The following GTPBP4 variants were observed in gnomAD, a reference collection of about 807,000 sequenced individuals.
GTPBP4 encodes GTP binding protein 4.
A neutral mutation model predicts 81.7 loss-of-function variants in GTPBP4; 15 were observed. The ratio of observed to expected loss-of-function variants is 0.18; its 90% confidence interval spans 0.12 to 0.28. GTPBP4 has a LOEUF of 0.28. GTPBP4 is among the 10% of genes least tolerant of loss of function. The pLI, the probability that GTPBP4 is intolerant of heterozygous loss-of-function variation, is 1.00. For missense variants in GTPBP4, 847 were observed against 793.8 expected, an observed-to-expected ratio of 1.07 and a Z score of -0.81; for synonymous variants, 272 against 274.6, an observed-to-expected ratio of 0.99 and a Z score of 0.09.
chr10:995,872 G>A (rs1317597818), intron 2 of GTPBP4, 57 bp from the exon 3 acceptor site: 1 of 949,108 alleles, frequency 1.1e-6, no homozygotes, highest in East Asian at 2.4e-5. Context: ...TCTTCAAGTG[G>A]TAGGGATGAA....
At position 1,019,603 on chromosome 10, in the gene GTPBP4, TG is replaced by T. The variant is rs1346776064; in HGVS notation, c.*2378del. On this transcript the variant is annotated 3_prime_UTR_variant, in exon 17 of 17. Transcript: ENST00000360803. Reference sequence around the variant, plus strand: ...CACCGGTACAGAAACCTCTCGGCAATGGTTCTTAGCCAGGGGGTGACTTTGA... The same window carrying T: ...CACCGGTACAGAAACCTCTCGGCAATGTTCTTAGCCAGGGGGTGACTTTGA... 6.2e-7 allele frequency: 1 copy of T among 1,614,034 alleles called. No individual in the cohort carries two copies. Among genetic ancestry groups the T allele is most frequent in the Non-Finnish European group, 8.5e-7 (1 of 1,180,004 alleles).
chr10:1,019,578 C>A lies in GTPBP4; in HGVS notation c.*2351C>A. 6.2e-7 allele frequency: 1 copy of A among 1,614,052 alleles called. No homozygotes were observed. The highest frequency in any genetic ancestry group is 1.1e-5 in the South Asian group (1 of 91,068). ...GGTCACGTCATCCAGGTGAGGCCACCACCGGTACAGAAACCTCTCGGCAAT... is the reference window on the plus strand; with the variant it reads ...GGTCACGTCATCCAGGTGAGGCCACAACCGGTACAGAAACCTCTCGGCAAT... On this transcript the variant is annotated 3_prime_UTR_variant, in exon 17 of 17. Coordinates refer to ENST00000360803, the MANE Select transcript of GTPBP4 (RefSeq NM_012341.3).
chr10:1,010,370 G>T, intron 12 of GTPBP4, 50 bp from the exon 13 acceptor site: 1 of 904,998 alleles, frequency 1.1e-6, no homozygotes, highest in Admixed American at 1.8e-5. Flanking sequence ...CGTAGTACTT[G>T]AAGATATTAA....
chr10:992,724 C>A, intron 2 of GTPBP4, 65 bp downstream of exon 2: 1 of 938,210 alleles, frequency 1.1e-6, no homozygotes, highest in Non-Finnish European at 1.7e-6. Context: ...AGTGTTTAAC[C>A]AGTTTGGTGT....
intron 6 of GTPBP4, 137 bp from the exon 7 acceptor site, chr10:1,000,540 C>CTT (rs74260825): frequency 2.6e-4 from 103 of 402,750 alleles, no homozygotes; most frequent in South Asian, 6.0e-4. Context: ...CCCAGCCCTA[C>CTT]TTTTTTTTTT....
chr10:997,503 C>T (rs1831555560), intron 5 of GTPBP4, among the ~76,000 whole-genome samples, 195 bp downstream of exon 5: 1 of 152,254 alleles, frequency 6.6e-6, no homozygotes, highest in Non-Finnish European at 1.5e-5. Context: ...CCCTGGTCTG[C>T]AGGAGTTCCC....
At chr10:993,778 T>C (rs1831490836) in intron 2 of GTPBP4, among the ~76,000 whole-genome samples, 2 of 152,076 alleles carry the variant, frequency 1.3e-5, no homozygotes, top group African/African-American at 2.4e-5. Flanking sequence ...TACTTCATAT[T>C]TAAACAAGTT....
At chr10:1,004,565 A>G (rs1370924730) in intron 8 of GTPBP4, among the ~76,000 whole-genome samples, 4 of 152,140 alleles carry the variant, frequency 2.6e-5, no homozygotes, top group Non-Finnish European at 4.4e-5. Flanking sequence ...CCTCTTCAGC[A>G]TAGACGCTGG....
chr10:1,014,166 A>G, intron 14 of GTPBP4, 81 bp from the exon 15 acceptor site: 2 of 812,866 alleles, frequency 2.5e-6, no homozygotes, highest in Non-Finnish European at 4.2e-6. Context: ...CAAAATATGT[A>G]TACATATATA....
At position 1,009,663 on chromosome 10, in the gene GTPBP4, G is replaced by A. The variant is rs1225072493; in HGVS notation, c.1243+83G>A. ...GAAAATGGGGGAAAGACTTTAATAAGTAATAAAAGTGTTTCAGCCTATTTG... is the reference window on the plus strand; with the variant it reads ...GAAAATGGGGGAAAGACTTTAATAAATAATAAAAGTGTTTCAGCCTATTTG... On this transcript the variant is annotated intron_variant, in intron 12 of 16. Transcript: ENST00000360803. 9 of 837,786 alleles carry A rather than the reference G, an allele frequency of 1.1e-5. No individual in the cohort carries two copies. The South Asian group carries it at 1.1e-4, about 10-fold the overall frequency. The allele number at this position is 837,786 out of a possible 1,614,324, so 51.9% of individuals were successfully genotyped here.
At chr10:998,904 A>G (rs530856853) in intron 5 of GTPBP4, 99 bp from the exon 6 acceptor site, 26 of 740,096 alleles carry the variant, frequency 3.5e-5, no homozygotes, top group Admixed American at 2.0e-4. Context: ...GGTTTCTTCT[A>G]TGGTTATTTC....
At chr10:1,016,209 G>T (rs1831989857) in intron 16 of GTPBP4, among the ~76,000 whole-genome samples, 1 of 112,772 alleles carries the variant, frequency 8.9e-6, no homozygotes, top group African/African-American at 2.9e-5. Flanking sequence ...AGTGGCCACA[G>T]CTGAGCACCA....
In GTPBP4 at chr10:1,019,582, G is replaced by A. The variant is rs779205871; in HGVS notation, c.*2355G>A. On this transcript the variant is annotated 3_prime_UTR_variant, in exon 17 of 17. Transcript: ENST00000360803. ...ACGTCATCCAGGTGAGGCCACCACC[G>A]GTACAGAAACCTCTCGGCAATGGTT... 20 of 1,613,834 alleles carry A rather than the reference G, an allele frequency of 1.2e-5. No individual in the cohort carries two copies. The highest frequency in any genetic ancestry group is 6.7e-5 in the East Asian group (3 of 44,856).
rs979562163 is a variant in GTPBP4, at chr10:1,018,697, A to G, written c.*1470A>G. 2 of 150,314 alleles carry G rather than the reference A, an allele frequency of 1.3e-5. No homozygotes were observed. The highest frequency in any genetic ancestry group is 2.0e-4 in the East Asian group (1 of 4,946). The allele number at this position is 150,314 out of a possible 1,614,324, so 9.3% of individuals were successfully genotyped here. A position where few individuals can be genotyped will look rare whatever the true frequency, so the allele number is the denominator to read the frequency against. On this transcript the variant is annotated 3_prime_UTR_variant, in exon 17 of 17. Transcript: ENST00000360803. ...GTGGCGGGCGCCTGTAGTCCCAACT[A>G]CTTGGGAGGCTGAGGCAGGAGAATG...
chr10:993,788 T>C (rs1338791835), intron 2 of GTPBP4, among the ~76,000 whole-genome samples: 2 of 151,970 alleles, frequency 1.3e-5, no homozygotes, highest in African/African-American at 4.8e-5. Flanking sequence ...TTAAACAAGT[T>C]ATAATGGCTT....
chr10:994,099 CA>C (rs1209714624), intron 2 of GTPBP4, among the ~76,000 whole-genome samples: 1 of 152,120 alleles, frequency 6.6e-6, no homozygotes, highest in Non-Finnish European at 1.5e-5. Flanking sequence ...GCTTAAAATA[CA>C]AAAATTCTTG....
At chr10:994,867 T>C (rs1831511346) in intron 2 of GTPBP4, among the ~76,000 whole-genome samples, 1 of 152,192 alleles carries the variant, frequency 6.6e-6, no homozygotes, top group African/African-American at 2.4e-5. Context: ...GTCCTAGGAA[T>C]CCAGAAGTGG....
At position 1,014,254 on chromosome 10, in the gene GTPBP4, G is replaced by C; in HGVS notation, c.1550G>C (p.Arg517Thr). Residue 517 changes from arginine to threonine, a missense_variant, in exon 15 of 17, where the codon AGG becomes ACG. Coordinates refer to ENST00000360803, the MANE Select transcript of GTPBP4 (RefSeq NM_012341.3). ...TCTTTTTATCCTTCTCAGGTTCAGAGGACAGTTTTGGAGAAGGAGATGCGT... is the reference window on the plus strand; with the variant it reads ...TCTTTTTATCCTTCTCAGGTTCAGACGACAGTTTTGGAGAAGGAGATGCGT... ...RMPRTAKKVQ[R>T]TVLEKEMRSL... 6.3e-7 allele frequency: 1 copy of C among 1,594,740 alleles called. No individual in the cohort carries two copies. The highest frequency in any genetic ancestry group is 8.6e-7 in the Non-Finnish European group (1 of 1,162,798).
rs543981784 is a variant in GTPBP4 at position 1,011,049 on chromosome 10, T to C, written c.1344+529T>C. On this transcript the variant is annotated intron_variant, in intron 13 of 16. Transcript: ENST00000360803. ...AGGCCCTGGATGGGCTCTGCTGTGCTGGGCCCTTCATTCTCCTGCATCCCT... is the reference window on the plus strand; with the variant it reads ...AGGCCCTGGATGGGCTCTGCTGTGCCGGGCCCTTCATTCTCCTGCATCCCT... Among the ~76,000 whole-genome samples the C allele has an allele frequency of 2.4e-4, 16 of 66,432 alleles. 1 individual carries two copies. In the South Asian group the frequency reaches 3.5e-3, roughly 14 times the overall value. 43.6% of individuals were successfully genotyped at this position (66,432 alleles called of 152,430 possible). A position where few individuals can be genotyped will look rare whatever the true frequency, so the allele number is the denominator to read the frequency against.
Sources: allele counts gnomAD v4.1 joint callset (sites outside exome capture counted in the v4.1 genomes callset), GRCh38; gene constraint gnomAD v4.1.1; transcripts MANE v1.5; gene names NCBI Gene and HGNC (gene_info 2026-07-23, HGNC 2026-07-21).